The following SFI1 variants were observed in gnomAD, a reference collection of about 807,000 sequenced individuals.
SFI1 encodes the protein protein SFI1 homolog.
Under a neutral mutation model 207.5 loss-of-function variants are expected in SFI1, and 195 were observed. The observed-to-expected ratio is 0.94, with a 90% CI of 0.84 to 1.06. The LOEUF is 1.06. SFI1 is among the 50% of genes least tolerant of loss of function. The pLI is 0.00. For missense variants in SFI1, 1,634 were observed against 1,588.0 expected, an observed-to-expected ratio of 1.03 and a Z score of -0.49; for synonymous variants, 630 against 598.9, an observed-to-expected ratio of 1.05 and a Z score of -0.76.
At chr22:31,525,409 C>G (rs1244942217) in intron 2 of SFI1, among the ~76,000 whole-genome samples, 1 of 151,980 alleles carries the variant, frequency 6.6e-6, no homozygotes, top group Non-Finnish European at 1.5e-5. Context: ...GTGTCCTTTC[C>G]CCAATGTTCT....
intron 4 of SFI1, among the ~76,000 whole-genome samples, chr22:31,531,448 TAAC>T (rs2058513929): frequency 6.6e-6 from 1 of 151,840 alleles, no homozygotes; most frequent in African/African-American, 2.4e-5. Flanking sequence ...GAAAAAAAAA[TAAC>T]AAGCAAGTGA....
chr22:31,537,732 G>A (rs2059124006), intron 4 of SFI1, among the ~76,000 whole-genome samples: 1 of 152,154 alleles, frequency 6.6e-6, no homozygotes, highest in African/African-American at 2.4e-5. Context: ...TTAGAAATTT[G>A]TGAAGGGATA....
intron 15 of SFI1, among the ~76,000 whole-genome samples, chr22:31,598,716 C>CCTTTTTTTTTTTT (rs2067572351): frequency 3.7e-5 from 1 of 26,882 alleles, no homozygotes; most frequent in Non-Finnish European, 6.8e-5. Context: ...TGCGCCTGGC[C>CCTTTTTTTTTTTT]TTTTTTTTTT....
chr22:31,510,818 A>T (rs957853870), intron 2 of SFI1, among the ~76,000 whole-genome samples: 1 of 152,182 alleles, frequency 6.6e-6, no homozygotes, highest in South Asian at 2.1e-4. Context: ...TTGTTGGCAT[A>T]AAGTTAATTG....
Position 31,583,973 on chromosome 22 carries a change from G to GT in SFI1, c.1346+2dup. On this transcript the variant is annotated splice_donor_variant, in intron 13 of 32. Transcript: ENST00000400288. LOFTEE classifies it high-confidence loss of function. ...TGCATGCTGCCTGGGACCACTACAG[G>GT]TAGGGACTCTGGTTTCATCCCTGGC... 1 of 1,612,910 alleles carries GT rather than the reference G, an allele frequency of 6.2e-7. No individual in the cohort carries two copies. The highest frequency in any genetic ancestry group is 1.1e-5 in the South Asian group (1 of 91,050).
chr22:31,501,569 G>A (rs531567369), intron 1 of SFI1, among the ~76,000 whole-genome samples: 128 of 152,266 alleles, frequency 8.4e-4, no homozygotes, highest in African/African-American at 2.9e-3. Context: ...AGGTCTGCCT[G>A]TACTAGTCCC....
Position 31,604,370 on chromosome 22 carries a change from A to T in SFI1, c.1943A>T (p.His648Leu). The change falls in exon 19 of 33, where the codon CAC becomes CTC. Residue 648 changes from histidine to leucine, a missense_variant. By Grantham distance (99) the His-to-Leu change is moderately conservative (BLOSUM62 -3). Coordinates refer to ENST00000400288, the MANE Select transcript of SFI1 (RefSeq NM_001007467.3). ...ATGCGAGCAGACCTGCACCACCAGC[A>T]CAGCGTGCTGCACAGGGCGCTGCAG... ...KLMRADLHHQ[H>L]SVLHRALQAW... 1 of 1,574,230 alleles carries T rather than the reference A, an allele frequency of 6.4e-7. No homozygotes were observed. The highest frequency in any genetic ancestry group is 2.3e-5 in the East Asian group (1 of 43,408).
Position 31,613,663 on chromosome 22 carries a change from T to G in SFI1, c.2804T>G (p.Leu935Arg). 1 of 1,608,144 alleles carries G rather than the reference T, an allele frequency of 6.2e-7. No homozygotes were observed. The highest frequency in any genetic ancestry group is 8.5e-7 in the Non-Finnish European group (1 of 1,176,654). The change falls in exon 27 of 33, where the codon CTG becomes CGG. Residue 935 changes from leucine to arginine, a missense_variant. Physicochemically the swap from Leu to Arg is moderately radical, Grantham distance 102. Coordinates refer to ENST00000400288, the MANE Select transcript of SFI1 (RefSeq NM_001007467.3). ...RCATLWKQKVLGRGGKPQPLA... is the reference protein window; with the variant it reads ...RCATLWKQKVRGRGGKPQPLA... ...GCCACGCTCTGGAAACAGAAAGTGC[T>G]GGGCCGGGGCGGGAAGCCTCAGCCC...
intron 31 of SFI1, among the ~76,000 whole-genome samples, chr22:31,617,408 T>C (rs867385352): frequency 6.6e-6 from 1 of 152,046 alleles, no homozygotes; most frequent in Admixed American, 6.5e-5. Context: ...CAGTGACTAA[T>C]TATAACACTG....
chr22:31,593,600 C>T (rs1239158086), intron 15 of SFI1, among the ~76,000 whole-genome samples: 3,261 of 102,930 alleles, frequency 0.032, 40 homozygotes, highest in Non-Finnish European at 0.04. Context: ...GGGTGGCGGC[C>T]GGGCAGAGGC....
chr22:31,525,249 T>C (rs554848439), intron 2 of SFI1, among the ~76,000 whole-genome samples: 5 of 152,310 alleles, frequency 3.3e-5, no homozygotes, highest in African/African-American at 9.6e-5. Context: ...GTTTGAAGTA[T>C]TTCTTCTCGT....
At chr22:31,508,436 C>A in intron 2 of SFI1, 60 bp downstream of exon 2, 3 of 1,232,842 alleles carry the variant, frequency 2.4e-6, no homozygotes, top group South Asian at 1.3e-5. Context: ...TAAAACTAAA[C>A]ATTTTGTGTA....
intron 1 of SFI1, among the ~76,000 whole-genome samples, chr22:31,506,314 C>T (rs780218406): frequency 6.6e-6 from 1 of 152,024 alleles, no homozygotes; most frequent in Non-Finnish European, 1.5e-5. Context: ...TCCCAAAGGG[C>T]TGGGATTACA....
chr22:31,588,392 C>A (rs1355358870), intron 14 of SFI1, among the ~76,000 whole-genome samples: 1 of 152,216 alleles, frequency 6.6e-6, no homozygotes, highest in African/African-American at 2.4e-5. Context: ...TCAGAACTCA[C>A]ACAGTGCCAC....
intron 7 of SFI1, among the ~76,000 whole-genome samples, chr22:31,561,066 G>A (rs1056680466): frequency 5.3e-5 from 8 of 152,194 alleles, no homozygotes; most frequent in African/African-American, 1.9e-4. Context: ...GGTGTCTAAA[G>A]CAGGATCTGA....
At chr22:31,530,112 C>T (rs1202774426) in intron 3 of SFI1, among the ~76,000 whole-genome samples, 9 of 122,262 alleles carry the variant, frequency 7.4e-5, no homozygotes, top group African/African-American at 2.8e-4. Context: ...GTGGAGGTTG[C>T]AGTGAGCCGA....
chr22:31,612,378 T>TGAAAAAAA (rs1220311850), intron 24 of SFI1: 5 of 62,264 alleles, frequency 8.0e-5, no homozygotes, highest in African/African-American at 4.6e-4. Context: ...AGACTCTGTC[T>TGAAAAAAA]AAAAAAAAAA....
intron 29 of SFI1, 27 bp from the exon 30 acceptor site, chr22:31,616,710 TCCTTGCTC>T: frequency 6.6e-7 from 1 of 1,509,136 alleles, no homozygotes; most frequent in Non-Finnish European, 8.8e-7. Flanking sequence ...CCTCCTAGCT[TCCTTGCTC>T]AGCATCTACC....
At chr22:31,568,210 GTATATATA>G (rs1158605358) in intron 8 of SFI1, among the ~76,000 whole-genome samples, 45 of 114,592 alleles carry the variant, frequency 3.9e-4, no homozygotes, top group African/African-American at 1.4e-3. Flanking sequence ...GTGTGTGTGT[GTATATATA>G]TATATATATT....
Sources: gnomAD v4.1 joint callset for allele counts (sites outside exome capture counted in the v4.1 genomes callset) on GRCh38, gnomAD v4.1.1 for gene constraint, MANE v1.5 for transcripts, NCBI Gene and HGNC (gene_info 2026-07-23, HGNC 2026-07-21) for gene names.